ATP6V0A4: variants seen among roughly 807,000 people sequenced by gnomAD.
ATP6V0A4 encodes ATPase H+ transporting V0 subunit a4.
ATP6V0A4 carries 86 observed loss-of-function variants against 107.3 expected under a neutral mutation model. The ratio of observed to expected loss-of-function variants is 0.80; its 90% confidence interval spans 0.67 to 0.96. The LOEUF is 0.96. Ranked by LOEUF, ATP6V0A4 falls within the 40% of genes least tolerant of loss-of-function variation. ATP6V0A4 has a pLI of 0.00. For missense variants in ATP6V0A4, 908 were observed against 1,045.6 expected, an observed-to-expected ratio of 0.87 and a Z score of 1.81; for synonymous variants, 353 against 381.4, an observed-to-expected ratio of 0.93 and a Z score of 0.87.
At chr7:138,707,151 T>TA (rs1471800971) in intron 21 of ATP6V0A4, among the ~76,000 whole-genome samples, 44 of 70,724 alleles carry the variant, frequency 6.2e-4, no homozygotes, top group Middle Eastern at 6.3e-3. Context: ...TATTAATATA[T>TA]TAATATATAA....
intron 14 of ATP6V0A4, among the ~76,000 whole-genome samples, chr7:138,742,884 A>C (rs1165047425): frequency 8.1e-6 from 1 of 123,280 alleles, no homozygotes; most frequent in African/African-American, 3.4e-5. Context: ...ATCTCTTTAG[A>C]ATACTAATTG....
chr7:138,707,267 T>A (rs1584881068), intron 21 of ATP6V0A4, among the ~76,000 whole-genome samples: 1 of 90,120 alleles, frequency 1.1e-5, no homozygotes, highest in Non-Finnish European at 2.0e-5. Context: ...ATATATTATA[T>A]TATATATTCT....
chr7:138,718,102 CG>C (rs1158306742), intron 19 of ATP6V0A4, among the ~76,000 whole-genome samples: 1 of 2,076 alleles, frequency 4.8e-4, no homozygotes, highest in African/African-American at 2.1e-3. Flanking sequence ...GAATGGGGGG[CG>C]GGGGTGCAGT....
At chr7:138,713,543 G>T (rs546531093) in intron 20 of ATP6V0A4, among the ~76,000 whole-genome samples, 11 of 152,190 alleles carry the variant, frequency 7.2e-5, no homozygotes, top group African/African-American at 2.6e-4. Context: ...TAAAAGTCAG[G>T]TTCTTTGCTT....
At position 138,798,037 on chromosome 7, in the gene ATP6V0A4, C is replaced by A. The variant is rs1383271850; in HGVS notation, c.-124G>T. On this transcript the variant is annotated 5_prime_UTR_variant, in exon 1 of 22. Transcript: ENST00000310018. ...CTGCAGGTGGGAGTCGACTCACCTG[C>A]AGCAGGCACTCGGCACAACTCCGCA... 3.9e-6 allele frequency: 6 copies of A among 1,554,738 alleles called. No homozygotes were observed. Among genetic ancestry groups the A allele is most frequent in the South Asian group, 3.6e-5 (3 of 84,136 alleles).
At chr7:138,715,103 C>G (rs1020978457) in intron 20 of ATP6V0A4, among the ~76,000 whole-genome samples, 2 of 152,198 alleles carry the variant, frequency 1.3e-5, no homozygotes, top group African/African-American at 4.8e-5. Context: ...GAAACAAATT[C>G]TACCTGCAGC....
chr7:138,764,624 A>G (rs1806996816), intron 5 of ATP6V0A4, among the ~76,000 whole-genome samples: 1 of 152,182 alleles, frequency 6.6e-6, no homozygotes, highest in African/African-American at 2.4e-5. Flanking sequence ...GGCAGGTATT[A>G]CAGAAAGACA....
chr7:138,740,448 C>T, intron 14 of ATP6V0A4, among the ~76,000 whole-genome samples: 1 of 131,982 alleles, frequency 7.6e-6, no homozygotes, highest in African/African-American at 2.9e-5. Flanking sequence ...TTTTTGGAGA[C>T]TGCGTTTCAT....
chr7:138,729,850 G>T (rs534483371), intron 17 of ATP6V0A4, among the ~76,000 whole-genome samples: 1 of 152,294 alleles, frequency 6.6e-6, no homozygotes, highest in Admixed American at 6.5e-5. Context: ...CCTGATAATA[G>T]AGTGAACACT....
intron 12 of ATP6V0A4, 27 bp from the exon 13 acceptor site, chr7:138,747,591 G>A: frequency 1.2e-6 from 2 of 1,612,956 alleles, no homozygotes; most frequent in Non-Finnish European, 1.7e-6. Flanking sequence ...CACAACGCCT[G>A]AGGCCTCAGC....
chr7:138,774,216 G>A (rs1807535623), intron 2 of ATP6V0A4, among the ~76,000 whole-genome samples: 1 of 152,190 alleles, frequency 6.6e-6, no homozygotes. Flanking sequence ...CAAGATTCCT[G>A]GAGGCCTTAG....
intron 5 of ATP6V0A4, among the ~76,000 whole-genome samples, chr7:138,766,541 G>A (rs1474652017): frequency 6.6e-6 from 1 of 151,628 alleles, no homozygotes; most frequent in Non-Finnish European, 1.5e-5. Flanking sequence ...ATCCATCTAA[G>A]AGACACCCTT....
At chr7:138,781,995 G>A (rs1441619108) in intron 2 of ATP6V0A4, among the ~76,000 whole-genome samples, 1 of 152,056 alleles carries the variant, frequency 6.6e-6, no homozygotes, top group African/African-American at 2.4e-5. Context: ...ATTCTTAACA[G>A]TGTAAAGAGG....
Position 138,706,598 on chromosome 7 carries a change from C to T in ATP6V0A4, c.*26G>A, listed in dbSNP as rs1304422812. 1 of 1,613,158 alleles carries T rather than the reference C, an allele frequency of 6.2e-7. No individual in the cohort carries two copies. Among genetic ancestry groups the T allele is most frequent in the African/African-American group, 1.3e-5 (1 of 74,890 alleles). On this transcript the variant is annotated 3_prime_UTR_variant, in exon 22 of 22. Coordinates refer to ENST00000310018, the MANE Select transcript of ATP6V0A4 (RefSeq NM_020632.3). ...TGAACTTCCTTCATTGGCATGGTGA[C>T]CACCGTGGGAGGTGCAGCCCTCAGC...
chr7:138,747,629 C>A, intron 12 of ATP6V0A4, 65 bp from the exon 13 acceptor site: 1 of 1,595,942 alleles, frequency 6.3e-7, no homozygotes, highest in East Asian at 2.3e-5. Context: ...ACCTCAGATT[C>A]CCTGCCACAG....
In ATP6V0A4 at chr7:138,756,511, G is replaced by A. The variant is rs1806521021; in HGVS notation, c.669C>T (p.Ile223=). The A allele has an allele frequency of 6.3e-7, 1 of 1,599,400 alleles. No homozygotes were observed. The highest frequency in any genetic ancestry group is 8.5e-7 in the Non-Finnish European group (1 of 1,171,994). Reference sequence around the variant, plus strand: ...TGAGCTGCTCTCCTTGGTAAAATATGATGAATATGTTCTTCTGAATTTCTT... The same window carrying A: ...TGAGCTGCTCTCCTTGGTAAAATATAATGAATATGTTCTTCTGAATTTCTT... ...TKEEIQKNIF[I]IFYQGEQLRQ... The change falls in exon 9 of 22, where the codon ATC becomes ATT. Residue 223 remains isoleucine (I), a synonymous_variant. Transcript: ENST00000310018.
intron 20 of ATP6V0A4, among the ~76,000 whole-genome samples, chr7:138,712,548 C>T (rs866945157): frequency 1.3e-5 from 2 of 152,296 alleles, no homozygotes; most frequent in Middle Eastern, 3.4e-3. Context: ...GTATAAGTTA[C>T]TCAACCAAAA....
In ATP6V0A4 at chr7:138,749,404, C is replaced by T. The variant is rs533539544; in HGVS notation, c.1030-87G>A. On this transcript the variant is annotated intron_variant, in intron 11 of 21. Coordinates refer to ENST00000310018, the MANE Select transcript of ATP6V0A4 (RefSeq NM_020632.3). ...ACAAAGGTCACAGTCCCAGCTCCTGCCGTCCCTCACTGAGCGAACTTGGGG... is the reference window on the plus strand; with the variant it reads ...ACAAAGGTCACAGTCCCAGCTCCTGTCGTCCCTCACTGAGCGAACTTGGGG... 465 of 1,508,512 alleles carry T rather than the reference C, an allele frequency of 3.1e-4. 2 individuals are homozygous for T. The African/African-American group carries it at 5.6e-3, about 18-fold the overall frequency. The allele number at this position is 1,508,512 out of a possible 1,614,324, so 93.4% of individuals were successfully genotyped here.
At chr7:138,706,770 G>A (rs1194880703) in intron 21 of ATP6V0A4, 53 bp from the exon 22 acceptor site, 83 of 1,603,574 alleles carry the variant, frequency 5.2e-5, no homozygotes, top group Non-Finnish European at 6.7e-5. Flanking sequence ...AAACACATCA[G>A]TTAGAGGCTG....
Sources: allele counts gnomAD v4.1 joint callset (sites outside exome capture counted in the v4.1 genomes callset), GRCh38; gene constraint gnomAD v4.1.1; transcripts MANE v1.5; gene names NCBI Gene and HGNC (gene_info 2026-07-23, HGNC 2026-07-21).